The following TTC27 variants were observed in gnomAD, a reference collection of about 807,000 sequenced individuals.
TTC27 encodes tetratricopeptide repeat domain 27, also known as tetratricopeptide repeat protein 27.
A neutral mutation model predicts 115.9 loss-of-function variants in TTC27; 79 were observed. That is an observed-to-expected ratio of 0.68 (90% CI 0.57 to 0.82). The LOEUF is 0.82. Among genes scored for constraint, TTC27 ranks in the 40% least tolerant of loss-of-function variants. The pLI, the probability that TTC27 is intolerant of heterozygous loss-of-function variation, is 0.00. For missense variants in TTC27, 1,054 were observed against 993.1 expected, an observed-to-expected ratio of 1.06 and a Z score of -0.82; for synonymous variants, 401 against 356.0, an observed-to-expected ratio of 1.13 and a Z score of -1.42.
At chr2:32,682,132 A>G (rs1443202877) in intron 9 of TTC27, among the ~76,000 whole-genome samples, 1 of 151,734 alleles carries the variant, frequency 6.6e-6, no homozygotes, top group Non-Finnish European at 1.5e-5. Context: ...CTTTACTCAT[A>G]GTTGTTGTGA....
chr2:32,657,252 A>T (rs1665359528), intron 5 of TTC27, among the ~76,000 whole-genome samples: 1 of 151,954 alleles, frequency 6.6e-6, no homozygotes, highest in Non-Finnish European at 1.5e-5. Context: ...AGTTCACGTT[A>T]GGATGCCTAT....
chr2:32,643,800 C>T (rs552773844), intron 4 of TTC27, among the ~76,000 whole-genome samples: 113 of 151,944 alleles, frequency 7.4e-4, no homozygotes, highest in Non-Finnish European at 1.0e-3. Context: ...TTTGGGAGGC[C>T]AAGGCTGGCG....
chr2:32,774,243 G>A lies in TTC27; in HGVS notation c.1681-3639G>A, dbSNP rs140921681. On this transcript the variant is annotated intron_variant, in intron 13 of 19. Coordinates refer to ENST00000317907, the MANE Select transcript of TTC27 (RefSeq NM_017735.5). ...TTAGCCCAGGCCAGAGTGCAGTGGC[G>A]TGATTGTGGCTCACTGCAACCTCCA... 5.1e-3 allele frequency among the ~76,000 whole-genome samples: 769 copies of A among 149,528 alleles called. 3 individuals carry two copies. Among genetic ancestry groups the A allele is most frequent in the Non-Finnish European group, 8.0e-3 (543 of 67,662 alleles).
At chr2:32,710,580 C>G (rs553649365) in intron 10 of TTC27, among the ~76,000 whole-genome samples, 1 of 151,654 alleles carries the variant, frequency 6.6e-6, no homozygotes, top group Non-Finnish European at 1.5e-5. Context: ...CAGGCATATG[C>G]CACCACACCT....
intron 7 of TTC27, among the ~76,000 whole-genome samples, chr2:32,667,443 G>T (rs1433527257): frequency 2.8e-5 from 4 of 140,472 alleles, no homozygotes; most frequent in Non-Finnish European, 3.0e-5. Flanking sequence ...TTGAGATGGA[G>T]TCTCACTCTA....
At chr2:32,728,491 T>C (rs768363029) in intron 10 of TTC27, among the ~76,000 whole-genome samples, 18 of 152,178 alleles carry the variant, frequency 1.2e-4, no homozygotes, top group Non-Finnish European at 1.6e-4. Context: ...AGCATCTCCT[T>C]GATCAGGCCA....
intron 12 of TTC27, 123 bp from the exon 13 acceptor site, chr2:32,758,169 T>C (rs1669303647): frequency 1.2e-6 from 1 of 838,772 alleles, no homozygotes; most frequent in Non-Finnish European, 1.8e-6. Context: ...ATAGGTCAAA[T>C]AAGAAATCTC....
intron 12 of TTC27, among the ~76,000 whole-genome samples, chr2:32,749,920 A>C (rs1166710634): frequency 1.3e-5 from 2 of 152,210 alleles, no homozygotes; most frequent in Admixed American, 6.5e-5. Context: ...GAAAAAAAAA[A>C]GATTTTATCA....
intron 12 of TTC27, among the ~76,000 whole-genome samples, chr2:32,755,036 G>T (rs1353056749): frequency 2.6e-5 from 4 of 152,058 alleles, no homozygotes; most frequent in African/African-American, 4.8e-5. Flanking sequence ...CGGCTGCCGG[G>T]TGGAGGGTCT....
chr2:32,709,966 A>T (rs1227535480), intron 10 of TTC27, among the ~76,000 whole-genome samples: 1 of 152,202 alleles, frequency 6.6e-6, no homozygotes, highest in Non-Finnish European at 1.5e-5. Flanking sequence ...TTTTTACATT[A>T]TGGAAAAAGT....
At chr2:32,643,837 C>G (rs1193619417) in intron 4 of TTC27, among the ~76,000 whole-genome samples, 1 of 151,852 alleles carries the variant, frequency 6.6e-6, no homozygotes, top group Non-Finnish European at 1.5e-5. Context: ...GAGTTCGACA[C>G]CAGTCTGGCC....
At chr2:32,661,821 A>AGG (rs1665559240) in intron 5 of TTC27, among the ~76,000 whole-genome samples, 2 of 152,190 alleles carry the variant, frequency 1.3e-5, no homozygotes, top group Admixed American at 6.5e-5. Flanking sequence ...AGGAATGGTG[A>AGG]GGGAGGGCAT....
At chr2:32,664,650 A>G (rs1235760566) in intron 6 of TTC27, among the ~76,000 whole-genome samples, 183 bp downstream of exon 6, 2 of 152,074 alleles carry the variant, frequency 1.3e-5, no homozygotes, top group African/African-American at 4.8e-5. Flanking sequence ...TATTTTCCTT[A>G]TTTCTAGAGT....
chr2:32,807,725 C>T (rs1671178542), intron 16 of TTC27, among the ~76,000 whole-genome samples: 1 of 152,088 alleles, frequency 6.6e-6, no homozygotes, highest in Non-Finnish European at 1.5e-5. Flanking sequence ...CATGATCTCT[C>T]CTGCCTTCCT....
intron 7 of TTC27, among the ~76,000 whole-genome samples, chr2:32,669,197 G>T (rs973598189): frequency 6.6e-6 from 1 of 152,162 alleles, no homozygotes; most frequent in East Asian, 1.9e-4. Flanking sequence ...TCACCGTGTT[G>T]CCCAGGCTGG....
intron 12 of TTC27, among the ~76,000 whole-genome samples, chr2:32,751,643 A>AG (rs1669022556): frequency 6.6e-6 from 1 of 152,306 alleles, no homozygotes; most frequent in Admixed American, 6.5e-5. Flanking sequence ...GGTTAACATT[A>AG]AAGAGGTAAC....
intron 12 of TTC27, among the ~76,000 whole-genome samples, chr2:32,755,063 G>C (rs1669172358): frequency 6.6e-6 from 1 of 151,830 alleles, no homozygotes; most frequent in Non-Finnish European, 1.5e-5. Context: ...TTCTCAGACG[G>C]GGCGGCCGGG....
chr2:32,761,960 G>A (rs1328494900), intron 13 of TTC27, among the ~76,000 whole-genome samples: 1 of 152,164 alleles, frequency 6.6e-6, no homozygotes, highest in South Asian at 2.1e-4. Context: ...CCTGCACGTA[G>A]CACTGAGCCA....
intron 16 of TTC27, among the ~76,000 whole-genome samples, chr2:32,809,132 A>C (rs1671233814): frequency 6.6e-6 from 1 of 152,210 alleles, no homozygotes; most frequent in Non-Finnish European, 1.5e-5. Flanking sequence ...ATCTGAGTTC[A>C]CATTCCTAAA....
Sources: allele counts gnomAD v4.1 joint callset (sites outside exome capture counted in the v4.1 genomes callset), GRCh38; gene constraint gnomAD v4.1.1; transcripts MANE v1.5; gene names NCBI Gene and HGNC (gene_info 2026-07-23, HGNC 2026-07-21).